The following HIVEP3 variants were observed in gnomAD, a reference collection of about 807,000 sequenced individuals.
HIVEP3 encodes transcription factor HIVEP3.
Under a neutral mutation model 152.8 loss-of-function variants are expected in HIVEP3, and 49 were observed. The observed-to-expected ratio is 0.32, with a 90% CI of 0.26 to 0.41. The LOEUF is 0.41. Ranked by LOEUF, HIVEP3 falls within the 10% of genes least tolerant of loss-of-function variation. The pLI, the probability that HIVEP3 is intolerant of heterozygous loss-of-function variation, is 1.00. For missense variants in HIVEP3, 2,790 were observed against 3,103.3 expected (o/e 0.90, Z 2.40); for synonymous variants, 1,269 against 1,289.0 (o/e 0.98, Z 0.33).
intron 1 of HIVEP3, among the ~76,000 whole-genome samples, chr1:41,872,470 C>T (rs918972888): frequency 6.6e-6 from 1 of 152,188 alleles, no homozygotes; most frequent in Admixed American, 6.5e-5. Flanking sequence ...TCCACAAGAA[C>T]TCAAATATAG....
chr1:41,874,751 A>G (rs1425080010), intron 1 of HIVEP3, among the ~76,000 whole-genome samples: 1 of 152,192 alleles, frequency 6.6e-6, no homozygotes, highest in Non-Finnish European at 1.5e-5. Context: ...GATTTTACAG[A>G]CAATAAGCAA....
chr1:41,787,079 T>G (rs1019113216), intron 1 of HIVEP3, among the ~76,000 whole-genome samples: 1 of 152,022 alleles, frequency 6.6e-6, no homozygotes, highest in Non-Finnish European at 1.5e-5. Flanking sequence ...AGTAGCAACA[T>G]TAAAAAAGGA....
intron 1 of HIVEP3, among the ~76,000 whole-genome samples, chr1:41,964,536 G>A (rs1371766570): frequency 6.6e-6 from 1 of 152,216 alleles, no homozygotes; most frequent in African/African-American, 2.4e-5. Context: ...TTCCTGGGGG[G>A]AAGGGCAGCT....
At chr1:41,648,723 C>T (rs1463841313) in intron 2 of HIVEP3, among the ~76,000 whole-genome samples, 2 of 152,254 alleles carry the variant, frequency 1.3e-5, no homozygotes, top group African/African-American at 4.8e-5. Context: ...AGGCCAACCC[C>T]ATCCTTGTAC....
At chr1:41,747,970 G>A (rs1046397786) in intron 1 of HIVEP3, among the ~76,000 whole-genome samples, 3 of 152,172 alleles carry the variant, frequency 2.0e-5, no homozygotes, top group African/African-American at 4.8e-5. Context: ...CCACCAGCAC[G>A]GATGATCCAG....
chr1:41,756,305 G>A (rs10158087), intron 1 of HIVEP3, among the ~76,000 whole-genome samples: 13,497 of 152,272 alleles, frequency 0.089, 1,569 homozygotes, highest in African/African-American at 0.26. Flanking sequence ...TGACTATAAA[G>A]AGGAGCAGTA....
At position 41,510,751 on chromosome 1, in the gene HIVEP3, G is replaced by C; in HGVS notation, c.6921C>G (p.Ser2307Arg). ...GAPAEPTPTH[S>R]PCTPPDTLPR... ...GCAAGGTGTCGGGTGGGGTGCAGGG[G>C]CTGTGCGTGGGTGTGGGCTCTGCAG... Residue 2307 changes from serine (S) to arginine (R), a missense_variant, in exon 9 of 9, where the codon AGC becomes AGG. Transcript: ENST00000372583. The C allele has an allele frequency of 6.3e-7, 1 of 1,581,916 alleles. No individual in the cohort carries two copies. The highest frequency in any genetic ancestry group is 8.6e-7 in the Non-Finnish European group (1 of 1,163,982).
intron 1 of HIVEP3, among the ~76,000 whole-genome samples, chr1:41,896,246 T>C (rs1190886397): frequency 6.6e-6 from 1 of 152,216 alleles, no homozygotes; most frequent in South Asian, 2.1e-4. Context: ...TCTCAATACA[T>C]AGTAGCTTTT....
intron 3 of HIVEP3, among the ~76,000 whole-genome samples, chr1:41,590,299 T>C (rs572229392): frequency 5.8e-4 from 88 of 152,218 alleles, no homozygotes; most frequent in Middle Eastern, 3.2e-3. Flanking sequence ...ATTTCTTCCA[T>C]TAGCCAGTTC....
In HIVEP3 at chr1:41,757,240, C is replaced by T. The variant is rs555602964; in HGVS notation, c.-800-56245G>A. On this transcript the variant is annotated intron_variant, in intron 1 of 8. Transcript: ENST00000372583. ...ACGCCATTCTCCTGCCTCAGCCTCC[C>T]GAGTAGCTGGGACTACAGGCGCCTG... 1.3e-3 allele frequency among the ~76,000 whole-genome samples: 192 copies of T among 151,610 alleles called. 1 individual carries two copies. The highest frequency in any genetic ancestry group is 4.6e-3 in the African/African-American group (188 of 41,298).
At chr1:41,516,677 G>T (rs1642616696) in intron 7 of HIVEP3, among the ~76,000 whole-genome samples, 1 of 152,192 alleles carries the variant, frequency 6.6e-6, no homozygotes, top group Non-Finnish European at 1.5e-5. Context: ...TCAGGCTCTA[G>T]CTCTCTCTGA....
intron 1 of HIVEP3, among the ~76,000 whole-genome samples, chr1:41,832,442 G>A (rs12756604): frequency 0.14 from 20,549 of 152,134 alleles, 1,817 homozygotes; most frequent in South Asian, 0.24. Context: ...GAGGTGGGAG[G>A]ATCACTTGAG....
intron 8 of HIVEP3, among the ~76,000 whole-genome samples, chr1:41,512,066 C>T (rs1357107038): frequency 2.0e-5 from 3 of 152,240 alleles, no homozygotes; most frequent in South Asian, 2.1e-4. Flanking sequence ...TCAAAGAACA[C>T]AGGCAGATGG....
intron 1 of HIVEP3, among the ~76,000 whole-genome samples, chr1:41,712,000 C>T (rs1646521007): frequency 6.6e-6 from 1 of 152,178 alleles, no homozygotes; most frequent in South Asian, 2.1e-4. Context: ...CAGCAGGTCG[C>T]TAATCCCAGA....
At chr1:41,644,666 G>T (rs1055453955) in intron 2 of HIVEP3, among the ~76,000 whole-genome samples, 8 of 142,160 alleles carry the variant, frequency 5.6e-5, no homozygotes, top group Non-Finnish European at 7.6e-5. Context: ...ATAACCCAGG[G>T]ATTTAAAGCA....
intron 1 of HIVEP3, among the ~76,000 whole-genome samples, chr1:41,874,016 C>T (rs1644126058): frequency 6.6e-6 from 1 of 152,202 alleles, no homozygotes; most frequent in Non-Finnish European, 1.5e-5. Flanking sequence ...GGGCAGTATC[C>T]CCAGTGTCTG....
chr1:41,546,083 T>C (rs1171842881), intron 5 of HIVEP3, among the ~76,000 whole-genome samples: 3 of 152,178 alleles, frequency 2.0e-5, no homozygotes, highest in African/African-American at 7.2e-5. Context: ...CTTACTTCTG[T>C]GCCTGGAGCA....
intron 2 of HIVEP3, among the ~76,000 whole-genome samples, chr1:41,647,849 C>A (rs903694039): frequency 1.3e-5 from 2 of 152,268 alleles, no homozygotes; most frequent in Non-Finnish European, 1.5e-5. Context: ...GGGCCAGAAG[C>A]CCATGGGATG....
intron 1 of HIVEP3, among the ~76,000 whole-genome samples, chr1:41,976,188 T>C: frequency 6.6e-6 from 1 of 152,220 alleles, no homozygotes. Context: ...CTTGAAAGTT[T>C]ACCACCACTC....
Sources: gnomAD v4.1 joint callset for allele counts (sites outside exome capture counted in the v4.1 genomes callset) on GRCh38, gnomAD v4.1.1 for gene constraint, MANE v1.5 for transcripts, NCBI Gene and HGNC (gene_info 2026-07-23, HGNC 2026-07-21) for gene names.